Variants in STX18 observed in about 807,000 individuals in gnomAD.
STX18 encodes the protein syntaxin 18.
A neutral mutation model predicts 50.1 loss-of-function variants in STX18; 40 were observed. The observed-to-expected ratio is 0.80, with a 90% CI of 0.62 to 1.04. The LOEUF (loss-of-function observed/expected upper bound fraction) is 1.04. STX18 is among the 50% of genes least tolerant of loss of function. STX18 has a pLI of 0.00. For synonymous variants in STX18, 158 were observed against 151.8 expected (o/e 1.04, Z -0.30); for missense variants, 410 against 415.8 (o/e 0.99, Z 0.12).
chr4:4,441,289 T>C (rs1726090154), intron 5 of STX18, among the ~76,000 whole-genome samples: 1 of 152,212 alleles, frequency 6.6e-6, no homozygotes, highest in Middle Eastern at 3.2e-3. Context: ...TAACATCACT[T>C]TTTAAGAAGA....
chr4:4,475,461 TA>T (rs200708655), intron 1 of STX18, among the ~76,000 whole-genome samples: 24 of 122,026 alleles, frequency 2.0e-4, no homozygotes, highest in East Asian at 8.0e-4. Context: ...TTAATTTCTT[TA>T]AAAAAAAACA....
At chr4:4,436,616 G>C (rs1219029874) in intron 6 of STX18, among the ~76,000 whole-genome samples, 1 of 152,210 alleles carries the variant, frequency 6.6e-6, no homozygotes, top group Non-Finnish European at 1.5e-5. Flanking sequence ...GCTCATTTGT[G>C]GCCATCAGAA....
chr4:4,515,173 T>C (rs1560204436), intron 1 of STX18, among the ~76,000 whole-genome samples: 1 of 152,044 alleles, frequency 6.6e-6, no homozygotes, highest in Non-Finnish European at 1.5e-5. Context: ...AATAAAACTT[T>C]AAAAAATAAT....
intron 5 of STX18, among the ~76,000 whole-genome samples, chr4:4,444,792 A>G (rs532250240): frequency 8.0e-6 from 1 of 125,324 alleles, no homozygotes; most frequent in South Asian, 2.5e-4. Context: ...ATATACACAT[A>G]AAAAAATGAA....
chr4:4,465,622 GGAGAAGGGAGA>G (rs1727584245), intron 2 of STX18, among the ~76,000 whole-genome samples: 1 of 152,216 alleles, frequency 6.6e-6, no homozygotes, highest in Non-Finnish European at 1.5e-5. Context: ...ATCAGGGGTG[GGAGAAGGGAGA>G]GCATCAGGAA....
At chr4:4,494,104 T>G (rs948649588) in intron 1 of STX18, among the ~76,000 whole-genome samples, 95 of 152,202 alleles carry the variant, frequency 6.2e-4, no homozygotes, top group African/African-American at 2.2e-3. Flanking sequence ...CAAAATTGTT[T>G]TGAGGGTTAC....
chr4:4,439,257 CAT>C (rs1387699626), intron 5 of STX18, among the ~76,000 whole-genome samples: 2 of 135,350 alleles, frequency 1.5e-5, no homozygotes, highest in Non-Finnish European at 3.1e-5. Context: ...CATATATTCA[CAT>C]ATACTCACCC....
intron 1 of STX18, among the ~76,000 whole-genome samples, chr4:4,526,599 C>T (rs1367403492): frequency 2.6e-5 from 4 of 152,172 alleles, no homozygotes; most frequent in African/African-American, 4.8e-5. Flanking sequence ...CTGATTTTAT[C>T]GCAGTTGAGT....
intron 2 of STX18, chr4:4,461,905 C>T: frequency 2.2e-6 from 1 of 456,280 alleles, no homozygotes; most frequent in Non-Finnish European, 4.4e-6. Flanking sequence ...CTTTTACCTA[C>T]TTAGAGACAG....
chr4:4,468,102 A>G (rs530395441), intron 2 of STX18, among the ~76,000 whole-genome samples: 2 of 152,364 alleles, frequency 1.3e-5, no homozygotes, highest in African/African-American at 4.8e-5. Context: ...GGCTAGCCTG[A>G]AAGTGCACTT....
intron 1 of STX18, among the ~76,000 whole-genome samples, chr4:4,518,025 G>C (rs961838551): frequency 6.6e-6 from 1 of 152,028 alleles, no homozygotes; most frequent in African/African-American, 2.4e-5. Context: ...CGCCTGCCTT[G>C]GCCTCCCAAA....
intron 7 of STX18, among the ~76,000 whole-genome samples, chr4:4,428,814 G>A (rs905063569): frequency 6.6e-6 from 1 of 152,176 alleles, no homozygotes; most frequent in African/African-American, 2.4e-5. Context: ...CACGACAGAT[G>A]GGTATCTAGA....
intron 5 of STX18, among the ~76,000 whole-genome samples, chr4:4,439,512 A>G (rs919185234): frequency 3.5e-5 from 5 of 140,878 alleles, no homozygotes; most frequent in Admixed American, 7.4e-5. Context: ...ACCCCCACAT[A>G]TACATACACA....
intron 1 of STX18, among the ~76,000 whole-genome samples, chr4:4,521,102 T>C (rs957460491): frequency 2.0e-5 from 3 of 151,734 alleles, no homozygotes; most frequent in Non-Finnish European, 4.4e-5. Flanking sequence ...CAGCTCTCAC[T>C]AGACTCTGTT....
chr4:4,478,239 A>AC (rs1728292010), intron 1 of STX18, among the ~76,000 whole-genome samples: 1 of 151,956 alleles, frequency 6.6e-6, no homozygotes, highest in African/African-American at 2.4e-5. Context: ...AAAAAAAACA[A>AC]AAACGTTTTC....
At chr4:4,512,392 A>G (rs996565207) in intron 1 of STX18, among the ~76,000 whole-genome samples, 2 of 152,050 alleles carry the variant, frequency 1.3e-5, no homozygotes, top group Non-Finnish European at 2.9e-5. Flanking sequence ...TCTGGTTGCT[A>G]CCCCTGGTCC....
intron 2 of STX18, among the ~76,000 whole-genome samples, chr4:4,469,753 T>A (rs1287587745): frequency 6.6e-6 from 1 of 152,158 alleles, no homozygotes; most frequent in Admixed American, 6.5e-5. Context: ...GTCTGGCTTT[T>A]TTCTTCCCTT....
At chr4:4,423,236 G>A (rs1252124738) in intron 9 of STX18, among the ~76,000 whole-genome samples, 2 of 152,228 alleles carry the variant, frequency 1.3e-5, no homozygotes, top group East Asian at 3.9e-4. Context: ...AACCCTGACT[G>A]CCAGGCCTGG....
At chr4:4,434,026 C>T (rs527659413) in intron 7 of STX18, among the ~76,000 whole-genome samples, 1 of 152,190 alleles carries the variant, frequency 6.6e-6, no homozygotes, top group Non-Finnish European at 1.5e-5. Flanking sequence ...AAATGAGAAT[C>T]AAAAAGTTTT....
Sources: allele counts gnomAD v4.1 joint callset (sites outside exome capture counted in the v4.1 genomes callset), GRCh38; gene constraint gnomAD v4.1.1; transcripts MANE v1.5; gene names NCBI Gene and HGNC (gene_info 2026-07-23, HGNC 2026-07-21).